REXO5: variants seen among roughly 807,000 people sequenced by gnomAD.
REXO5 encodes the protein RNA exonuclease 5.
REXO5 carries 48 observed loss-of-function variants against 88.5 expected under a neutral mutation model. That is an observed-to-expected ratio of 0.54 (90% confidence interval 0.43 to 0.69). REXO5 has a LOEUF of 0.69. REXO5 is among the 30% of genes least tolerant of loss of function. The pLI, the probability that REXO5 is intolerant of heterozygous loss-of-function variation, is 0.00. For synonymous variants in REXO5, 311 were observed against 336.5 expected, an observed-to-expected ratio of 0.92 and a Z score of 0.83; for missense variants, 749 against 912.2, an observed-to-expected ratio of 0.82 and a Z score of 2.30.
intron 14 of REXO5, 130 bp from the exon 15 acceptor site, chr16:20,840,201 A>G: frequency 1.3e-6 from 1 of 753,564 alleles, no homozygotes. Context: ...TACTTCAGTG[A>G]ACATCCTTGG....
intron 5 of REXO5, chr16:20,820,903 C>T (rs76316677): frequency 3.3e-5 from 5 of 151,942 alleles, no homozygotes; most frequent in African/African-American, 4.8e-5. Flanking sequence ...TTAAAGCAGG[C>T]GGTCTGATGA....
intron 5 of REXO5, among the ~76,000 whole-genome samples, chr16:20,817,634 T>C (rs2081101002): frequency 6.6e-6 from 1 of 152,220 alleles, no homozygotes; most frequent in African/African-American, 2.4e-5. Flanking sequence ...TCTGTAGGCC[T>C]TGAGGAGCCA....
intron 15 of REXO5, among the ~76,000 whole-genome samples, chr16:20,840,843 G>A (rs765631587): frequency 1.3e-5 from 2 of 152,058 alleles, no homozygotes; most frequent in Non-Finnish European, 2.9e-5. Context: ...AAATCTGTCA[G>A]TTTTCATATG....
At chr16:20,813,340 G>GTTTTTTT (rs1555490620) in intron 3 of REXO5, 38 bp downstream of exon 3, 9 of 977,292 alleles carry the variant, frequency 9.2e-6, no homozygotes, top group Middle Eastern at 2.3e-4. Flanking sequence ...TTGACCAGCG[G>GTTTTTTT]TTTCTTTTTT....
At chr16:20,808,154 C>G (rs955468230) in intron 2 of REXO5, among the ~76,000 whole-genome samples, 1 of 152,184 alleles carries the variant, frequency 6.6e-6, no homozygotes, top group African/African-American at 2.4e-5. Context: ...AAACCATCCC[C>G]CCAGCCCTTC....
chr16:20,813,351 T>TC, intron 3 of REXO5, 49 bp downstream of exon 3: 4 of 860,484 alleles, frequency 4.6e-6, no homozygotes, highest in Non-Finnish European at 6.9e-6. Flanking sequence ...TTTCTTTTTT[T>TC]TTTTTTTTTT....
chr16:20,808,000 C>T (rs1047531893), intron 2 of REXO5, among the ~76,000 whole-genome samples: 4 of 152,152 alleles, frequency 2.6e-5, no homozygotes, highest in Admixed American at 2.6e-4. Context: ...ACGTTACCCC[C>T]TGAGCTCCAC....
intron 19 of REXO5, among the ~76,000 whole-genome samples, chr16:20,847,763 T>C (rs2081632133): frequency 6.6e-6 from 1 of 152,202 alleles, no homozygotes; most frequent in South Asian, 2.1e-4. Flanking sequence ...GGTTAAGATG[T>C]GGGCTCTGGG....
chr16:20,826,556 A>G (rs965524352), intron 8 of REXO5, among the ~76,000 whole-genome samples: 7 of 152,240 alleles, frequency 4.6e-5, no homozygotes, highest in African/African-American at 7.2e-5. Context: ...CAGACTTGAC[A>G]ATTAGATTCT....
At position 20,813,271 on chromosome 16, in the gene REXO5, G is replaced by A; in HGVS notation, c.220G>A (p.Val74Ile). 1.2e-6 allele frequency: 2 copies of A among 1,611,382 alleles called. No homozygotes were observed. The highest frequency in any genetic ancestry group is 1.7e-6 in the Non-Finnish European group (2 of 1,178,584). The change falls in exon 3 of 20, where the codon GTT becomes ATT. Residue 74 changes from valine to isoleucine, a missense_variant. Val to Ile is a conservative substitution (Grantham distance 29). Coordinates refer to ENST00000261377, the MANE Select transcript of REXO5 (RefSeq NM_030941.3). ...DQLCELLKYA[V>I]LGKSNVPKPS... ...GCTGTGTGAATTGCTGAAGTATGCA[G>A]TTCTGGGCAAATCCAATGTTCCAAA...
chr16:20,832,641 A>C, intron 12 of REXO5, among the ~76,000 whole-genome samples: 1 of 152,192 alleles, frequency 6.6e-6, no homozygotes, highest in East Asian at 1.9e-4. Context: ...ACACAGACTC[A>C]AAAGGGCTTT....
chr16:20,827,721 G>A (rs997084520), intron 10 of REXO5, among the ~76,000 whole-genome samples: 1 of 152,188 alleles, frequency 6.6e-6, no homozygotes, highest in Non-Finnish European at 1.5e-5. Context: ...ATACAAGGTA[G>A]TATAACATAC....
At chr16:20,826,580 C>T (rs1028513582) in intron 8 of REXO5, among the ~76,000 whole-genome samples, 11 of 152,156 alleles carry the variant, frequency 7.2e-5, no homozygotes, top group South Asian at 2.1e-4. Context: ...AGAACAGTCA[C>T]GTGTGGCAAA....
chr16:20,844,091 C>A, intron 16 of REXO5, 65 bp downstream of exon 16: 1 of 944,586 alleles, frequency 1.1e-6, no homozygotes, highest in African/African-American at 1.6e-5. Context: ...ATTTATAGTG[C>A]CCCAGGACAT....
chr16:20,807,770 A>C (rs2080921336), intron 2 of REXO5, among the ~76,000 whole-genome samples: 1 of 151,900 alleles, frequency 6.6e-6, no homozygotes, highest in Non-Finnish European at 1.5e-5. Context: ...AAACAAAAAA[A>C]AAACTGCCTG....
chr16:20,840,479 A>C lies in REXO5; in HGVS notation c.1626+11A>C. 1 of 1,537,094 alleles carries C rather than the reference A, an allele frequency of 6.5e-7. No homozygotes were observed. The highest frequency in any genetic ancestry group is 8.8e-7 in the Non-Finnish European group (1 of 1,130,384). ...CTTGAAACCCGTCAGGTAAGACCGG[A>C]AAATTCAGATTTCATTTTCTAGATT... On this transcript the variant is annotated intron_variant, in intron 15 of 19. Coordinates refer to ENST00000261377, the MANE Select transcript of REXO5 (RefSeq NM_030941.3).
intron 19 of REXO5, among the ~76,000 whole-genome samples, chr16:20,846,837 C>A (rs2081614510): frequency 6.6e-6 from 1 of 152,172 alleles, no homozygotes; most frequent in Non-Finnish European, 1.5e-5. Context: ...TCTCCTCTGA[C>A]AAGTGGCCAA....
At chr16:20,843,114 T>C (rs1333905959) in intron 15 of REXO5, among the ~76,000 whole-genome samples, 1 of 152,222 alleles carries the variant, frequency 6.6e-6, no homozygotes, top group Non-Finnish European at 1.5e-5. Context: ...TCGCAGGCAA[T>C]TTGTACATCT....
intron 2 of REXO5, among the ~76,000 whole-genome samples, chr16:20,812,760 T>C (rs1340140742): frequency 6.6e-6 from 1 of 152,174 alleles, no homozygotes; most frequent in African/African-American, 2.4e-5. Flanking sequence ...TGGCATTGTT[T>C]TCAAGGCTCA....
Sources: allele counts gnomAD v4.1 joint callset (sites outside exome capture counted in the v4.1 genomes callset), GRCh38; gene constraint gnomAD v4.1.1; transcripts MANE v1.5; gene names NCBI Gene and HGNC (gene_info 2026-07-23, HGNC 2026-07-21).